Variants in SH3GL3 observed in about 807,000 individuals in gnomAD.
SH3GL3 encodes the protein endophilin-A3.
A neutral mutation model predicts 47.7 loss-of-function variants in SH3GL3; 33 were observed. The ratio of observed to expected loss-of-function variants is 0.69; its 90% CI spans 0.52 to 0.92. The LOEUF (loss-of-function observed/expected upper bound fraction) is 0.92. SH3GL3 is among the 40% of genes least tolerant of loss of function. The pLI is 0.00. For synonymous variants in SH3GL3, 155 were observed against 148.8 expected (o/e 1.04, Z -0.30); for missense variants, 363 against 417.8 (o/e 0.87, Z 1.14).
At chr15:83,571,403 G>A (rs1008373308) in intron 4 of SH3GL3, among the ~76,000 whole-genome samples, 1 of 152,274 alleles carries the variant, frequency 6.6e-6, no homozygotes, top group East Asian at 1.9e-4. Context: ...GCTAGGAAGG[G>A]ACATTTCGTC....
At chr15:83,610,998 T>TAA (rs1567036948) in intron 8 of SH3GL3, among the ~76,000 whole-genome samples, 42 of 149,774 alleles carry the variant, frequency 2.8e-4, no homozygotes, top group African/African-American at 9.8e-4. Context: ...TATATATATA[T>TAA]AATATGTATG....
At chr15:83,602,495 G>A (rs548128793) in intron 8 of SH3GL3, among the ~76,000 whole-genome samples, 10 of 152,196 alleles carry the variant, frequency 6.6e-5, no homozygotes, top group Admixed American at 1.3e-4. Flanking sequence ...GCTCCCACAG[G>A]TCCCTTTTAT....
chr15:83,526,845 A>T (rs1283070899), intron 1 of SH3GL3, among the ~76,000 whole-genome samples: 1 of 152,114 alleles, frequency 6.6e-6, no homozygotes, highest in Non-Finnish European at 1.5e-5. Flanking sequence ...CTTCTAACTC[A>T]TGATCATAGG....
intron 1 of SH3GL3, among the ~76,000 whole-genome samples, chr15:83,479,016 G>A (rs923100738): frequency 3.9e-5 from 6 of 152,286 alleles, no homozygotes; most frequent in South Asian, 2.1e-4. Flanking sequence ...GGAGCAGAAC[G>A]CCTGCTTGGG....
intron 8 of SH3GL3, among the ~76,000 whole-genome samples, chr15:83,601,374 T>C (rs2060373701): frequency 6.6e-6 from 1 of 152,190 alleles, no homozygotes; most frequent in African/African-American, 2.4e-5. Flanking sequence ...ATGTCCCTTG[T>C]ATGCCGATTT....
rs1453498238 is a variant in SH3GL3, at chr15:83,524,814, C to T, written c.46-34439C>T. Among the ~76,000 whole-genome samples, 3 of 152,062 alleles carry T rather than the reference C, an allele frequency of 2.0e-5. No homozygotes were observed. The East Asian group carries it at 5.8e-4, about 29-fold the overall frequency. On this transcript the variant is annotated intron_variant, in intron 1 of 8. Coordinates refer to ENST00000427482, the MANE Select transcript of SH3GL3 (RefSeq NM_003027.5). ...TTACTTGACATAATGACCTCCATTT[C>T]CAACCATGTTGCTGCAAATAACAGG... is the stretch of plus-strand genomic sequence containing the variant.
chr15:83,551,327 C>T (rs1456660851), intron 1 of SH3GL3, among the ~76,000 whole-genome samples: 1 of 152,168 alleles, frequency 6.6e-6, no homozygotes, highest in Non-Finnish European at 1.5e-5. Flanking sequence ...ACACGAGCCA[C>T]ATTGAGTAGC....
chr15:83,573,405 G>T (rs2059589412), intron 5 of SH3GL3, among the ~76,000 whole-genome samples: 1 of 152,196 alleles, frequency 6.6e-6, no homozygotes, highest in African/African-American at 2.4e-5. Flanking sequence ...TGTGGTCCCT[G>T]GACCAGCAAC....
At chr15:83,500,791 G>A (rs2042262314) in intron 1 of SH3GL3, among the ~76,000 whole-genome samples, 1 of 152,196 alleles carries the variant, frequency 6.6e-6, no homozygotes, top group African/African-American at 2.4e-5. Flanking sequence ...GGAGTGTTTT[G>A]AAGGTGGCTG....
intron 1 of SH3GL3, among the ~76,000 whole-genome samples, chr15:83,463,211 C>A (rs1179278522): frequency 6.6e-6 from 1 of 152,210 alleles, no homozygotes; most frequent in Non-Finnish European, 1.5e-5. Context: ...TGCACATATG[C>A]ATACATTTCT....
intron 1 of SH3GL3, among the ~76,000 whole-genome samples, chr15:83,465,026 C>T (rs952393443): frequency 7.8e-5 from 10 of 128,824 alleles, no homozygotes; most frequent in African/African-American, 1.2e-4. Context: ...ATAATAATAA[C>T]AGCAATAAAA....
In SH3GL3 at chr15:83,588,768, A is replaced by T. The variant is rs781595917; in HGVS notation, c.835A>T (p.Thr279Ser). ...TTCCACCACCTCTGTAGTGAAGACG[A>T]CAGGTAAGTTGACCATTCTAATATG... is the stretch of plus-strand genomic sequence containing the variant. ...GVSTTSVVKTTGSNIPMDQPC... is the reference protein window; with the variant it reads ...GVSTTSVVKTSGSNIPMDQPC... The change falls in exon 8 of 9, where the codon ACA becomes TCA. Residue 279 changes from threonine (T) to serine (S), a missense_variant. Thr to Ser is a moderately conservative substitution (Grantham distance 58). Coordinates refer to ENST00000427482, the MANE Select transcript of SH3GL3 (RefSeq NM_003027.5). The T allele has an allele frequency of 3.9e-6, 6 of 1,545,838 alleles. No individual in the cohort carries two copies. Among genetic ancestry groups the T allele is most frequent in the Non-Finnish European group, 5.4e-6 (6 of 1,117,808 alleles).
rs114738280 is a variant in SH3GL3 at position 83,536,375 on chromosome 15, T to C, written c.46-22878T>C. Among the ~76,000 whole-genome samples the C allele has an allele frequency of 9.2e-3, 1,369 of 148,922 alleles. 24 individuals are homozygous for C. Among genetic ancestry groups the C allele is most frequent in the African/African-American group, 0.032 (1,277 of 40,212 alleles). On this transcript the variant is annotated intron_variant, in intron 1 of 8. Coordinates refer to ENST00000427482, the MANE Select transcript of SH3GL3 (RefSeq NM_003027.5). ...TTGTGCTGGGACATTTCCTTGATTC[T>C]GCCTTTTTCTTTTTCTTTTCTTTTC...
chr15:83,499,145 A>T (rs1287864498), intron 1 of SH3GL3, among the ~76,000 whole-genome samples: 1 of 152,022 alleles, frequency 6.6e-6, no homozygotes, highest in African/African-American at 2.4e-5. Flanking sequence ...CGTTTTATAC[A>T]TATCTTGCCT....
intron 1 of SH3GL3, among the ~76,000 whole-genome samples, chr15:83,492,930 T>C (rs1185385034): frequency 6.6e-6 from 1 of 152,208 alleles, no homozygotes; most frequent in Non-Finnish European, 1.5e-5. Context: ...CCAGGGTCTG[T>C]TTCTGGGGGA....
chr15:83,591,826 C>T (rs925304579), intron 8 of SH3GL3, among the ~76,000 whole-genome samples: 1 of 152,212 alleles, frequency 6.6e-6, no homozygotes, highest in Non-Finnish European at 1.5e-5. Context: ...GCTGAGACTA[C>T]AGGCGCCCGA....
chr15:83,576,487 G>A (rs1288907353), intron 5 of SH3GL3, 96 bp from the exon 6 acceptor site: 1 of 1,187,784 alleles, frequency 8.4e-7, no homozygotes, highest in East Asian at 2.5e-5. Flanking sequence ...TGGAATCTAG[G>A]CCGAGAAAAA....
intron 1 of SH3GL3, among the ~76,000 whole-genome samples, chr15:83,471,588 T>A (rs2040830360): frequency 6.6e-6 from 1 of 152,244 alleles, no homozygotes; most frequent in Non-Finnish European, 1.5e-5. Flanking sequence ...TTCATGACTT[T>A]GCTTCTGTGT....
At chr15:83,599,198 A>G (rs2730097) in intron 8 of SH3GL3, among the ~76,000 whole-genome samples, 19,026 of 151,754 alleles carry the variant, frequency 0.13, 1,641 homozygotes, top group Admixed American at 0.25. Flanking sequence ...TTTTTTTGGT[A>G]TTCTAATTTT....
Sources: gnomAD v4.1 joint callset for allele counts (sites outside exome capture counted in the v4.1 genomes callset) on GRCh38, gnomAD v4.1.1 for gene constraint, MANE v1.5 for transcripts, NCBI Gene and HGNC (gene_info 2026-07-23, HGNC 2026-07-21) for gene names.